Variants in SNX8 observed in about 807,000 individuals in gnomAD.
SNX8 encodes sorting nexin-8.
In SNX8, 25 loss-of-function variants were observed where a neutral mutation model predicts 51.6. The observed-to-expected ratio is 0.48, with a 90% confidence interval of 0.35 to 0.68. The LOEUF is 0.68. Ranked by LOEUF, SNX8 falls within the 30% of genes least tolerant of loss-of-function variation. The pLI is 0.00. For missense variants in SNX8, 695 were observed against 624.0 expected, an observed-to-expected ratio of 1.11 and a Z score of -1.21; for synonymous variants, 324 against 277.0, an observed-to-expected ratio of 1.17 and a Z score of -1.68.
intron 7 of SNX8, among the ~76,000 whole-genome samples, chr7:2,258,237 T>C (rs958719932): frequency 3.3e-5 from 5 of 152,176 alleles, no homozygotes; most frequent in African/African-American, 7.2e-5. Flanking sequence ...AGGATGGTCT[T>C]GATCTCCAGA....
chr7:2,311,781 C>A (rs1796662194), intron 1 of SNX8, among the ~76,000 whole-genome samples: 1 of 151,366 alleles, frequency 6.6e-6, no homozygotes, highest in African/African-American at 2.4e-5. Flanking sequence ...ACTAAAAATA[C>A]AAAAAATTAG....
intron 1 of SNX8, among the ~76,000 whole-genome samples, chr7:2,302,830 C>T (rs1796433714): frequency 6.6e-6 from 1 of 151,256 alleles, no homozygotes; most frequent in African/African-American, 2.4e-5. Context: ...TCTGCCCGGC[C>T]GCCCCGTCTG....
intron 1 of SNX8, chr7:2,337,039 G>C (rs539287952): frequency 6.6e-6 from 1 of 151,388 alleles, no homozygotes; most frequent in Non-Finnish European, 1.5e-5. Flanking sequence ...TCAGTATAGC[G>C]GTTGCCTATT....
At chr7:2,265,711 TGGG>T (rs200845293) in intron 5 of SNX8, among the ~76,000 whole-genome samples, 6 of 152,140 alleles carry the variant, frequency 3.9e-5, no homozygotes, top group Admixed American at 1.3e-4. Context: ...ACTCTCCACA[TGGG>T]GGGAAGGCCT....
intron 1 of SNX8, among the ~76,000 whole-genome samples, chr7:2,282,389 C>G (rs921629508): frequency 2.0e-5 from 3 of 152,150 alleles, no homozygotes; most frequent in African/African-American, 7.2e-5. Flanking sequence ...CGGTGAGGGG[C>G]AAAGTCAGGC....
At chr7:2,310,323 T>C (rs1796635627) in intron 1 of SNX8, among the ~76,000 whole-genome samples, 1 of 152,046 alleles carries the variant, frequency 6.6e-6, no homozygotes, top group Non-Finnish European at 1.5e-5. Flanking sequence ...TTGACAGGAA[T>C]AGTTTCAATA....
At chr7:2,346,053 C>T (rs2115249481) in intron 1 of SNX8, among the ~76,000 whole-genome samples, 1 of 152,234 alleles carries the variant, frequency 6.6e-6, no homozygotes, top group South Asian at 2.1e-4. Flanking sequence ...AGTGATCTGC[C>T]TGCTCAGCCT....
intron 1 of SNX8, among the ~76,000 whole-genome samples, chr7:2,304,339 T>TCC (rs1796495210): frequency 6.6e-6 from 1 of 150,982 alleles, no homozygotes; most frequent in South Asian, 2.1e-4. Flanking sequence ...GGTCAGGAGA[T>TCC]AGAGACCATC....
Position 2,347,631 on chromosome 7 carries a change from T to TG in SNX8, c.-66+6590dup, listed in dbSNP as rs1491394973. On this transcript the variant is annotated intron_variant, in intron 1 of 5. Coordinates refer to the SNX8 transcript ENST00000435336. ...CTGGATTCTTTTTTTTTTTTTTTTTTGCTCATTTTATTTTCTTTTGCTTTG... is the reference window on the plus strand; with the variant it reads ...CTGGATTCTTTTTTTTTTTTTTTTTTGGCTCATTTTATTTTCTTTTGCTTTG... Among the ~76,000 whole-genome samples, 144 of 130,232 alleles carry TG rather than the reference T, an allele frequency of 1.1e-3. 1 individual carries two copies. Among genetic ancestry groups the TG allele is most frequent in the African/African-American group, 3.2e-3 (128 of 39,428 alleles). The allele number at this position is 130,232 out of a possible 152,430, so 85.4% of individuals were successfully genotyped here. A position where few individuals can be genotyped will look rare whatever the true frequency, so the allele number is the denominator to read the frequency against.
At chr7:2,271,804 C>T (rs914852558) in intron 4 of SNX8, 46 bp downstream of exon 4, 33 of 1,561,144 alleles carry the variant, frequency 2.1e-5, no homozygotes, top group Admixed American at 3.9e-5. Context: ...TCCGGAGGCT[C>T]GGGGACTCCC....
rs1451494553 is a variant in SNX8 at position 2,264,362 on chromosome 7, C to T, written c.718G>A (p.Glu240Lys). ...NSFHKLRDRA[E>K]RIASRAIDNA... is the part of the protein sequence containing the mutation. Reference sequence around the variant, plus strand: ...TCGATGGCCCGCGATGCGATCCGCTCGGCCCTGTCGCGAAGCTTGTGAAAG... The same window carrying T: ...TCGATGGCCCGCGATGCGATCCGCTTGGCCCTGTCGCGAAGCTTGTGAAAG... Residue 240 changes from glutamate (E) to lysine (K), a missense_variant, in exon 6 of 11, where the codon GAG becomes AAG. Glu to Lys is a moderately conservative substitution (Grantham distance 56). Coordinates refer to ENST00000222990, the MANE Select transcript of SNX8 (RefSeq NM_013321.4). 6 of 1,612,880 alleles carry T rather than the reference C, an allele frequency of 3.7e-6. No individual in the cohort carries two copies. The highest frequency in any genetic ancestry group is 2.2e-5 in the South Asian group (2 of 91,080).
intron 1 of SNX8, among the ~76,000 whole-genome samples, chr7:2,347,695 G>T (rs1474742299): frequency 2.7e-5 from 4 of 150,662 alleles, no homozygotes; most frequent in African/African-American, 9.8e-5. Context: ...ACCCAGGCTG[G>T]AGTGCAGTGG....
chr7:2,325,338 A>C (rs887104865), intron 1 of SNX8, among the ~76,000 whole-genome samples: 75 of 152,302 alleles, frequency 4.9e-4, no homozygotes, highest in African/African-American at 1.8e-3. Context: ...ATACAGAAAA[A>C]GCTTAGGTTT....
chr7:2,255,014 GT>G lies in SNX8; in HGVS notation c.*41del. 3.0e-6 allele frequency: 4 copies of G among 1,322,150 alleles called. No homozygotes were observed. The highest frequency in any genetic ancestry group is 4.3e-6 in the Non-Finnish European group (4 of 939,694). 81.9% of individuals were successfully genotyped at this position (1,322,150 alleles called of 1,614,324 possible). A position where few individuals can be genotyped will look rare whatever the true frequency, so the allele number is the denominator to read the frequency against. On this transcript the variant is annotated 3_prime_UTR_variant, in exon 11 of 11. Coordinates refer to ENST00000222990, the MANE Select transcript of SNX8 (RefSeq NM_013321.4). ...ACCGGGACACACCGTTTGGAAAGAG[GT>G]TTTAGTGCGGCCGCAGGGAGCACCA...
At chr7:2,277,993 G>A in intron 2 of SNX8, 107 bp downstream of exon 2, 5 of 1,482,664 alleles carry the variant, frequency 3.4e-6, no homozygotes, top group Non-Finnish European at 4.5e-6. Flanking sequence ...CAGCCACACA[G>A]ACTCACCCTT....
intron 1 of SNX8, among the ~76,000 whole-genome samples, chr7:2,353,026 G>T (rs1421318058): frequency 2.0e-5 from 3 of 152,118 alleles, no homozygotes; most frequent in Admixed American, 6.6e-5. Context: ...GGGTGTGGTG[G>T]CTCATGCCTA....
intron 1 of SNX8, among the ~76,000 whole-genome samples, chr7:2,340,771 C>T (rs562990989): frequency 2.1e-5 from 3 of 140,284 alleles, no homozygotes; most frequent in East Asian, 4.6e-4. Flanking sequence ...GCAGGAGAAT[C>T]GCTTGAACCC....
intron 1 of SNX8, among the ~76,000 whole-genome samples, chr7:2,301,386 G>A (rs565691594): frequency 6.6e-6 from 1 of 152,268 alleles, no homozygotes; most frequent in African/African-American, 2.4e-5. Context: ...TTAGCCCAGA[G>A]GCTTCTAGGC....
intron 3 of SNX8, among the ~76,000 whole-genome samples, chr7:2,274,076 C>T (rs544957701): frequency 6.6e-6 from 1 of 152,248 alleles, no homozygotes; most frequent in Admixed American, 6.5e-5. Flanking sequence ...CCAGCCAGCG[C>T]TCATCAACTC....
Sources: gnomAD v4.1 joint callset for allele counts (sites outside exome capture counted in the v4.1 genomes callset) on GRCh38, gnomAD v4.1.1 for gene constraint, MANE v1.5 for transcripts, NCBI Gene and HGNC (gene_info 2026-07-23, HGNC 2026-07-21) for gene names.